The following FKBP15 variants were observed in gnomAD, a reference collection of about 807,000 sequenced individuals.
FKBP15 encodes FKBP prolyl isomerase family member 15.
In FKBP15, 106 loss-of-function variants were observed where a neutral mutation model predicts 158.1. The ratio of observed to expected loss-of-function variants is 0.67; its 90% confidence interval spans 0.57 to 0.79. The LOEUF is 0.79. FKBP15 is among the 30% of genes least tolerant of loss of function. FKBP15 has a pLI of 0.00. For missense variants in FKBP15, 1,287 were observed against 1,479.1 expected, an observed-to-expected ratio of 0.87 and a Z score of 2.13; for synonymous variants, 547 against 548.6, an observed-to-expected ratio of 1.00 and a Z score of 0.04.
intron 12 of FKBP15, among the ~76,000 whole-genome samples, chr9:113,189,072 G>T (rs1407566780): frequency 6.6e-6 from 1 of 152,044 alleles, no homozygotes; most frequent in Non-Finnish European, 1.5e-5. Context: ...TCTAAACAAA[G>T]TTATTCTACC....
chr9:113,213,207 G>A (rs561387368), intron 1 of FKBP15, among the ~76,000 whole-genome samples: 5 of 152,074 alleles, frequency 3.3e-5, no homozygotes, highest in South Asian at 2.1e-4. Context: ...TCAGGCGTTC[G>A]AGACCAGCCT....
At position 113,198,901 on chromosome 9, in the gene FKBP15, T is replaced by C; in HGVS notation, c.671A>G (p.Lys224Arg). The C allele has an allele frequency of 1.2e-6, 2 of 1,605,114 alleles. No homozygotes were observed. The highest frequency in any genetic ancestry group is 1.1e-5 in the South Asian group (1 of 89,100). Reference sequence around the variant, plus strand: ...TAACTTCAAGCGAAGCAACTTATCTTTGTTAGCAGTGGAGTCGAAAACCTG... The same window carrying C: ...TAACTTCAAGCGAAGCAACTTATCTCTGTTAGCAGTGGAGTCGAAAACCTG... The part of the protein sequence containing the change: ...LGQVFDSTAN[K>R]DKLLRLKLGS... The change falls in exon 8 of 28, where the codon AAA becomes AGA. Residue 224 changes from lysine (K) to arginine (R), a missense_variant. Coordinates refer to ENST00000238256, the MANE Select transcript of FKBP15 (RefSeq NM_015258.2). The surrounding 1 kb of genome is among the most constrained non-coding windows in gnomAD (Gnocchi z 5.2).
chr9:113,183,751 C>T lies in FKBP15; in HGVS notation c.1811G>A (p.Arg604Lys). 4 of 1,609,596 alleles carry T rather than the reference C, an allele frequency of 2.5e-6. No homozygotes were observed. The highest frequency in any genetic ancestry group is 3.4e-6 in the Non-Finnish European group (4 of 1,176,088). Reference protein sequence around the residue: ...KISELIERNQRYVEQSNLMME... With the variant: ...KISELIERNQKYVEQSNLMME... Reference sequence around the variant, plus strand: ...AGCCAGGCCCCGTACCTGTCATTACCTCTGATTTCGTTCAATTAGTTCACT... The same window carrying T: ...AGCCAGGCCCCGTACCTGTCATTACTTCTGATTTCGTTCAATTAGTTCACT... Residue 604 changes from arginine (R) to lysine (K), a missense_variant and splice_region_variant, in exon 18 of 28, where the codon AGG (arginine) becomes AAG (lysine). By Grantham distance (26) the Arg-to-Lys change is conservative. Coordinates refer to ENST00000238256, the MANE Select transcript of FKBP15 (RefSeq NM_015258.2).
chr9:113,168,872 C>A (rs1175160509), intron 26 of FKBP15, among the ~76,000 whole-genome samples: 2 of 152,202 alleles, frequency 1.3e-5, no homozygotes, highest in Non-Finnish European at 2.9e-5. Flanking sequence ...AAGGACTTAT[C>A]ATACTTTATG....
rs979783485 is a variant in FKBP15 at position 113,217,201 on chromosome 9, GT to G, written c.53+3989del. The stretch of plus-strand genomic sequence containing the variant: ...TTACAGGTGTGAGCCACCACGCCCA[GT>G]TTTTTTTTTTTTTTTTTTTTTTTTT... On this transcript the variant is annotated intron_variant, in intron 1 of 27. Coordinates refer to ENST00000238256, the MANE Select transcript of FKBP15 (RefSeq NM_015258.2). Among the ~76,000 whole-genome samples, 801 of 89,404 alleles carry G rather than the reference GT, an allele frequency of 9.0e-3. 13 individuals are homozygous for G. Among genetic ancestry groups the G allele is most frequent in the African/African-American group, 0.034 (690 of 20,072 alleles). The allele number at this position is 89,404 out of a possible 152,430, so 58.7% of individuals were successfully genotyped here.
chr9:113,171,789 A>C, intron 23 of FKBP15, 83 bp from the exon 24 acceptor site: 9 of 1,167,182 alleles, frequency 7.7e-6, no homozygotes, highest in Non-Finnish European at 6.7e-6. Context: ...CCACCCAAAC[A>C]TCAAGTCTCT....
intron 3 of FKBP15, 134 bp from the exon 4 acceptor site, chr9:113,206,712 A>ATTTTTTTTTTTTT (rs35902681): frequency 7.7e-6 from 2 of 258,368 alleles, no homozygotes; most frequent in Non-Finnish European, 1.4e-5. Flanking sequence ...GCGGTTTAAA[A>ATTTTTTTTTTTTT]TTTTTTTTTT....
chr9:113,201,042 CAA>C (rs11339384), intron 6 of FKBP15, among the ~76,000 whole-genome samples: 42 of 96,250 alleles, frequency 4.4e-4, no homozygotes, highest in Admixed American at 4.4e-4. Flanking sequence ...GACTCTGTCT[CAA>C]AAAAAAAAAA....
At chr9:113,172,309 A>G (rs1388794516) in intron 23 of FKBP15, among the ~76,000 whole-genome samples, 1 of 152,194 alleles carries the variant, frequency 6.6e-6, no homozygotes, top group Non-Finnish European at 1.5e-5. Flanking sequence ...CAATAAACAT[A>G]CATGTGCATG....
At chr9:113,212,841 G>A (rs1831038788) in intron 1 of FKBP15, among the ~76,000 whole-genome samples, 1 of 152,106 alleles carries the variant, frequency 6.6e-6, no homozygotes, top group Non-Finnish European at 1.5e-5. Flanking sequence ...CCAAATGCTG[G>A]TGATGCTCAA....
chr9:113,217,201 G>GTTT lies in FKBP15; in HGVS notation c.53+3987_53+3989dup, dbSNP rs979783485. 4.2e-3 allele frequency among the ~76,000 whole-genome samples: 379 copies of GTTT among 89,410 alleles called. 56 individuals carry two copies. The East Asian group carries it at 0.075, about 18-fold the overall frequency. The allele number at this position is 89,410 out of a possible 152,430, so 58.7% of individuals were successfully genotyped here. On this transcript the variant is annotated intron_variant, in intron 1 of 27. Transcript: ENST00000238256. ...TTACAGGTGTGAGCCACCACGCCCA[G>GTTT]TTTTTTTTTTTTTTTTTTTTTTTTT...
intron 2 of FKBP15, among the ~76,000 whole-genome samples, chr9:113,209,990 G>A (rs1830967521): frequency 6.6e-6 from 1 of 152,200 alleles, no homozygotes; most frequent in Non-Finnish European, 1.5e-5. Context: ...TCAGGATGGA[G>A]CCTACAGCTA....
intron 11 of FKBP15, among the ~76,000 whole-genome samples, chr9:113,191,519 G>C (rs1408985907): frequency 1.3e-5 from 2 of 151,284 alleles, no homozygotes; most frequent in East Asian, 3.9e-4. Context: ...AAAAAAAGTT[G>C]GATACATCAG....
intron 1 of FKBP15, among the ~76,000 whole-genome samples, chr9:113,213,464 C>T (rs1230624500): frequency 2.6e-5 from 4 of 151,516 alleles, no homozygotes; most frequent in African/African-American, 7.3e-5. Flanking sequence ...GTCCTAGCGG[C>T]TTGAGAGGCT....
chr9:113,216,122 C>G (rs1306783453), intron 1 of FKBP15, among the ~76,000 whole-genome samples: 2 of 106,060 alleles, frequency 1.9e-5, no homozygotes, highest in Non-Finnish European at 3.9e-5. Context: ...CACAATAAAG[C>G]AAACCGAAAA....
rs1414255448 is a variant in FKBP15, at chr9:113,161,950, C to T, written c.*4128G>A. ...GCTTTCTTTAGGGAACAGTGATCTT[C>T]AGGTGCAGGCCCCTATCTAGCAAAT... On this transcript the variant is annotated 3_prime_UTR_variant, in exon 28 of 28. Coordinates refer to ENST00000238256, the MANE Select transcript of FKBP15 (RefSeq NM_015258.2). 1 of 593,856 alleles carries T rather than the reference C, an allele frequency of 1.7e-6. No individual in the cohort carries two copies. The highest frequency in any genetic ancestry group is 2.8e-5 in the Admixed American group (1 of 35,746). 36.8% of individuals were successfully genotyped at this position (593,856 alleles called of 1,614,324 possible). A position where few individuals can be genotyped will look rare whatever the true frequency, so the allele number is the denominator to read the frequency against.
chr9:113,181,374 A>T (rs983496002), intron 19 of FKBP15, among the ~76,000 whole-genome samples: 3 of 152,172 alleles, frequency 2.0e-5, no homozygotes, highest in Non-Finnish European at 4.4e-5. Context: ...TTTTATTGGA[A>T]CACATACACA....
intron 23 of FKBP15, 119 bp from the exon 24 acceptor site, chr9:113,171,825 A>C: frequency 1.2e-6 from 1 of 839,550 alleles, no homozygotes; most frequent in African/African-American, 1.7e-5. Context: ...ATATAATAAA[A>C]AGACAATTTT....
chr9:113,176,734 A>T (rs902716724), intron 20 of FKBP15, 61 bp from the exon 21 acceptor site: 5 of 1,533,542 alleles, frequency 3.3e-6, no homozygotes, highest in Non-Finnish European at 3.5e-6. Flanking sequence ...GCTATGTGTT[A>T]TCCCAGCAGC....
Sources: allele counts gnomAD v4.1 joint callset (sites outside exome capture counted in the v4.1 genomes callset), GRCh38; gene constraint gnomAD v4.1.1; non-coding constraint Gnocchi (gnomAD v3.1); transcripts MANE v1.5; gene names NCBI Gene and HGNC (gene_info 2026-07-23, HGNC 2026-07-21).